Variants in BDH1 observed in about 807,000 individuals in gnomAD.
BDH1 encodes D-beta-hydroxybutyrate dehydrogenase, mitochondrial.
Under a neutral mutation model 33.1 loss-of-function variants are expected in BDH1, and 30 were observed. The ratio of observed to expected loss-of-function variants is 0.91; its 90% CI spans 0.68 to 1.23. The LOEUF (loss-of-function observed/expected upper bound fraction) is 1.23, where lower values mean the gene tolerates loss of function less well. Ranked by LOEUF, BDH1 falls within the 50% of genes most tolerant of loss-of-function variation. The probability of loss-of-function intolerance (pLI) is 0.00; values close to 1 mark genes in which losing one functional copy is unlikely to be tolerated. For synonymous variants in BDH1, 190 were observed against 183.6 expected (o/e 1.03, Z -0.28); for missense variants, 443 against 464.4 (o/e 0.95, Z 0.42).
chr3:197,540,446 G>C (rs1467822786), intron 3 of BDH1, among the ~76,000 whole-genome samples: 1 of 137,202 alleles, frequency 7.3e-6, no homozygotes, highest in Non-Finnish European at 1.5e-5. Context: ...GAGGCGGGCA[G>C]ACACTTGAGG....
chr3:197,563,126 ATGTG>A (rs1171196368), intron 1 of BDH1, among the ~76,000 whole-genome samples: 1 of 152,196 alleles, frequency 6.6e-6, no homozygotes, highest in Non-Finnish European at 1.5e-5. Context: ...GTATGTGTGT[ATGTG>A]TGTATGTACA....
chr3:197,515,364 C>T (rs1011405590), intron 6 of BDH1: 2 of 985,712 alleles, frequency 2.0e-6, no homozygotes, highest in African/African-American at 1.7e-5. Flanking sequence ...CACCTGTGAC[C>T]TCGCTCAGAT....
chr3:197,511,978 G>T lies in BDH1; in HGVS notation c.949C>A (p.Pro317Thr). ...TATTPYTRYH[P>T]MDYYWWLRMQ... Reference sequence around the variant, plus strand: ...CGCAGCCACCAGTAGTAGTCCATGGGGTGGTAGCGGGTGTAGGGGGTGGTG... The same window carrying T: ...CGCAGCCACCAGTAGTAGTCCATGGTGTGGTAGCGGGTGTAGGGGGTGGTG... Residue 317 changes from proline to threonine, a missense_variant, in exon 8 of 8, where the codon CCC becomes ACC. Coordinates refer to ENST00000392379, the MANE Select transcript of BDH1 (RefSeq NM_203314.3). 1 of 1,611,256 alleles carries T rather than the reference G, an allele frequency of 6.2e-7. No homozygotes were observed. Among genetic ancestry groups the T allele is most frequent in the Non-Finnish European group, 8.5e-7 (1 of 1,178,468 alleles).
chr3:197,532,306 G>A lies in BDH1; in HGVS notation c.267+106C>T, dbSNP rs983218574. 7 of 882,854 alleles carry A rather than the reference G, an allele frequency of 7.9e-6. No individual in the cohort carries two copies. The African/African-American group carries it at 8.4e-5, about 11-fold the overall frequency. 54.7% of individuals were successfully genotyped at this position (882,854 alleles called of 1,614,324 possible). On this transcript the variant is annotated intron_variant, in intron 5 of 7. Coordinates refer to ENST00000392379, the MANE Select transcript of BDH1 (RefSeq NM_203314.3). ...GAAGCCGATGGAAAATGGACAGGCT[G>A]GTTTAAGCAAAGGTGAGCCAGTTGT...
intron 2 of BDH1, among the ~76,000 whole-genome samples, chr3:197,552,749 C>A (rs1174553569): frequency 6.6e-5 from 10 of 152,166 alleles, no homozygotes. Flanking sequence ...TCCTCCTTGG[C>A]ACTTTATTAC....
At chr3:197,567,170 C>G (rs1717459830) in intron 1 of BDH1, among the ~76,000 whole-genome samples, 1 of 152,166 alleles carries the variant, frequency 6.6e-6, no homozygotes, top group Non-Finnish European at 1.5e-5. Context: ...ACCATCCTAG[C>G]CATGAGACAC....
At chr3:197,545,625 A>G (rs980598760) in intron 3 of BDH1, among the ~76,000 whole-genome samples, 6 of 152,244 alleles carry the variant, frequency 3.9e-5, no homozygotes, top group African/African-American at 1.4e-4. Flanking sequence ...GACCAGAAAA[A>G]GGTCCATCAG....
At chr3:197,515,633 T>C (rs1449576078) in intron 6 of BDH1, 14 of 985,440 alleles carry the variant, frequency 1.4e-5, no homozygotes, top group Non-Finnish European at 1.6e-5. Flanking sequence ...AAATGTGTGT[T>C]AGATGAATGA....
chr3:197,571,600 C>T (rs897767947), intron 1 of BDH1, among the ~76,000 whole-genome samples: 3 of 152,342 alleles, frequency 2.0e-5, no homozygotes, highest in African/African-American at 2.4e-5. Flanking sequence ...CTTTCGTTCT[C>T]TCTCTTGCCT....
chr3:197,548,588 C>T (rs11920608), intron 2 of BDH1, among the ~76,000 whole-genome samples: 366 of 152,058 alleles, frequency 2.4e-3, no homozygotes, highest in African/African-American at 8.2e-3. Context: ...TGGTGGCTCA[C>T]GCCTGTAATC....
At chr3:197,540,500 C>G (rs538532449) in intron 3 of BDH1, among the ~76,000 whole-genome samples, 2 of 151,940 alleles carry the variant, frequency 1.3e-5, no homozygotes, top group Admixed American at 1.3e-4. Flanking sequence ...GAAACCCCAT[C>G]TCTACTAAAA....
At chr3:197,568,911 C>T (rs1717517862) in intron 1 of BDH1, among the ~76,000 whole-genome samples, 1 of 152,162 alleles carries the variant, frequency 6.6e-6, no homozygotes, top group Non-Finnish European at 1.5e-5. Flanking sequence ...ATGCAGGCTC[C>T]CTGTTTGCAA....
chr3:197,561,357 G>T (rs1717255426), intron 1 of BDH1, among the ~76,000 whole-genome samples: 1 of 151,870 alleles, frequency 6.6e-6, no homozygotes, highest in South Asian at 2.1e-4. Flanking sequence ...CTTTTTTTTG[G>T]AGTTTTATTT....
At chr3:197,547,001 C>A (rs1003836884) in intron 2 of BDH1, among the ~76,000 whole-genome samples, 1 of 152,214 alleles carries the variant, frequency 6.6e-6, no homozygotes, top group Non-Finnish European at 1.5e-5. Context: ...CTCTTTCCCC[C>A]ATGCGAACAA....
At position 197,522,521 on chromosome 3, in the gene BDH1, C is replaced by T; in HGVS notation, c.409+119G>A. On this transcript the variant is annotated intron_variant, in intron 6 of 7. Coordinates refer to ENST00000392379, the MANE Select transcript of BDH1 (RefSeq NM_203314.3). The surrounding 1 kb of genome is among the most constrained non-coding windows in gnomAD (Gnocchi z 4.8). ...TCCTCCTACTGTGCAGGAGGAAGAG[C>T]CTAAACAATAAGGAAGGGAGTGTGG... The T allele has an allele frequency of 7.5e-7, 1 of 1,327,888 alleles. No individual in the cohort carries two copies. Among genetic ancestry groups the T allele is most frequent in the African/African-American group, 1.5e-5 (1 of 68,960 alleles). 82.3% of individuals were successfully genotyped at this position (1,327,888 alleles called of 1,614,324 possible). A position where few individuals can be genotyped will look rare whatever the true frequency, so the allele number is the denominator to read the frequency against.
chr3:197,548,888 A>C (rs1716326390), intron 2 of BDH1, among the ~76,000 whole-genome samples: 1 of 152,056 alleles, frequency 6.6e-6, no homozygotes, highest in African/African-American at 2.4e-5. Context: ...AAAAAACACA[A>C]AAAACTCAGT....
In BDH1 at chr3:197,523,968, G is replaced by A. The variant is rs1713830625; in HGVS notation, c.268-1187C>T. On this transcript the variant is annotated intron_variant, in intron 5 of 7. Coordinates refer to ENST00000392379, the MANE Select transcript of BDH1 (RefSeq NM_203314.3). This position sits in a 1 kb window ranked among gnomAD's most constrained non-coding sequence, Gnocchi z 4.5. ...GTGGGCACTGCCGAGCTGCTGGGGG[G>A]CTTTCCTCTAAGTAGACAGCATTTC... is the stretch of plus-strand genomic sequence containing the variant. Among the ~76,000 whole-genome samples the A allele has an allele frequency of 1.3e-5, 2 of 152,174 alleles. No individual in the cohort carries two copies. Among genetic ancestry groups the A allele is most frequent in the Non-Finnish European group, 2.9e-5 (2 of 68,032 alleles).
rs752280876 is a variant in BDH1, at chr3:197,546,471, G to A, written c.-28C>T. 3.1e-6 allele frequency: 5 copies of A among 1,607,844 alleles called. No individual in the cohort carries two copies. Among genetic ancestry groups the A allele is most frequent in the Non-Finnish European group, 2.6e-6 (3 of 1,174,720 alleles). The stretch of plus-strand genomic sequence containing the variant: ...TAGCAACGGGTGTTAGAATGGCCCA[G>A]TTCCTCCCGGTGGTTCTGAAACATA... On this transcript the variant is annotated 5_prime_UTR_variant, in exon 3 of 8. Transcript: ENST00000392379.
chr3:197,559,324 T>A (rs1717187630), upstream of BDH1, among the ~76,000 whole-genome samples: 1 of 152,180 alleles, frequency 6.6e-6, no homozygotes, highest in African/African-American at 2.4e-5. Context: ...ATAATTGGAC[T>A]CTAAATGAAA....
Sources: gnomAD v4.1 joint callset for allele counts (sites outside exome capture counted in the v4.1 genomes callset) on GRCh38, gnomAD v4.1.1 for gene constraint, Gnocchi (gnomAD v3.1) non-coding constraint, MANE v1.5 for transcripts, NCBI Gene and HGNC (gene_info 2026-07-23, HGNC 2026-07-21) for gene names.